PACRG: variants seen among roughly 807,000 people sequenced by gnomAD.
The protein encoded by PACRG is parkin coregulated gene protein.
In PACRG, 29 loss-of-function variants were observed where a neutral mutation model predicts 29.7. The observed-to-expected ratio is 0.98, with a 90% CI of 0.73 to 1.33. The LOEUF (loss-of-function observed/expected upper bound fraction) is 1.33. Among genes scored for constraint, PACRG ranks in the 40% most tolerant of loss-of-function variants. The probability of loss-of-function intolerance (pLI) is 0.00; values close to 1 mark genes in which losing one functional copy is unlikely to be tolerated. For synonymous variants in PACRG, 116 were observed against 118.7 expected, an observed-to-expected ratio of 0.98 and a Z score of 0.15; for missense variants, 279 against 316.2, an observed-to-expected ratio of 0.88 and a Z score of 0.89.
intron 4 of PACRG, among the ~76,000 whole-genome samples, chr6:163,181,518 A>C (rs892578447): frequency 6.8e-6 from 1 of 147,508 alleles, no homozygotes; most frequent in Non-Finnish European, 1.5e-5. Context: ...TCCCCCTTCC[A>C]AGGACAAGTC....
chr6:163,075,103 G>C (rs1180823532), intron 3 of PACRG, among the ~76,000 whole-genome samples: 1 of 152,146 alleles, frequency 6.6e-6, no homozygotes, highest in Non-Finnish European at 1.5e-5. Context: ...AAAATATCAT[G>C]ATAGGGTATT....
rs377414602 is a variant in PACRG at position 162,871,439 on chromosome 6, AC to A, written c.291+57159del. ...AAGAACATTGTTTAGCACTATACAA[AC>A]TATAGCAATAATTTAAGATCTGCCA... On this transcript the variant is annotated intron_variant, in intron 2 of 4. Coordinates refer to ENST00000366888, the MANE Select transcript of PACRG (RefSeq NM_001080379.2). Among the ~76,000 whole-genome samples the A allele has an allele frequency of 7.8e-3, 1,183 of 152,324 alleles. 15 individuals are homozygous for A. The highest frequency in any genetic ancestry group is 0.026 in the African/African-American group (1,099 of 41,566).
intron 4 of PACRG, among the ~76,000 whole-genome samples, chr6:163,137,556 A>AC (rs1816983158): frequency 6.6e-6 from 1 of 151,952 alleles, no homozygotes; most frequent in Admixed American, 6.6e-5. Flanking sequence ...TCCTTTCTCC[A>AC]TCCCCCCAAA....
Position 162,947,625 on chromosome 6 carries a change from T to TAATC in PACRG, c.292-114524_292-114523insATCA, listed in dbSNP as rs1554313415. Among the ~76,000 whole-genome samples the TAATC allele has an allele frequency of 3.0e-3, 161 of 53,384 alleles. 4 individuals carry two copies. The highest frequency in any genetic ancestry group is 0.016 in the Middle Eastern group (1 of 62). 35.0% of individuals were successfully genotyped at this position (53,384 alleles called of 152,430 possible). A position where few individuals can be genotyped will look rare whatever the true frequency, so the allele number is the denominator to read the frequency against. ...ATATATATAATCATATATATATATA[T>TAATC]ATATATATATATATATATATATACA... On this transcript the variant is annotated intron_variant, in intron 2 of 4. Transcript: ENST00000366888.
intron 2 of PACRG, among the ~76,000 whole-genome samples, chr6:162,888,943 A>C (rs1283163474): frequency 6.6e-6 from 1 of 152,226 alleles, no homozygotes; most frequent in Non-Finnish European, 1.5e-5. Flanking sequence ...ATTTCAGGGT[A>C]TCAGTCATGC....
At chr6:162,944,911 CT>C (rs1286443272) in intron 2 of PACRG, among the ~76,000 whole-genome samples, 1 of 151,906 alleles carries the variant, frequency 6.6e-6, no homozygotes, top group African/African-American at 2.4e-5. Flanking sequence ...GGATAGAAAA[CT>C]TATTTAGCCA....
intron 1 of PACRG, among the ~76,000 whole-genome samples, chr6:162,800,398 C>T (rs1264225954): frequency 1.3e-5 from 2 of 152,110 alleles, no homozygotes; most frequent in Non-Finnish European, 2.9e-5. Context: ...CCATTGCTTT[C>T]AGGACAATTG....
chr6:163,034,896 C>T (rs773833629), intron 2 of PACRG, among the ~76,000 whole-genome samples: 5 of 152,156 alleles, frequency 3.3e-5, no homozygotes, highest in Non-Finnish European at 5.9e-5. Context: ...AATAAAGAAT[C>T]GCTACTCCAT....
intron 2 of PACRG, among the ~76,000 whole-genome samples, chr6:162,989,432 A>G (rs1387993535): frequency 6.6e-6 from 1 of 152,218 alleles, no homozygotes; most frequent in Admixed American, 6.5e-5. Context: ...GCCAAAAACC[A>G]TGGATGCTCA....
rs371348048 is a variant in PACRG, at chr6:163,299,763, C to T, written c.614-15064C>T. On this transcript the variant is annotated intron_variant, in intron 4 of 4. Coordinates refer to ENST00000366888, the MANE Select transcript of PACRG (RefSeq NM_001080379.2). ...GCATGGGGGCGCGTGCCTGTAGTCCCAGCTACTCAGGAGGCTGAGCCAGGA... is the reference window on the plus strand; with the variant it reads ...GCATGGGGGCGCGTGCCTGTAGTCCTAGCTACTCAGGAGGCTGAGCCAGGA... 5.4e-4 allele frequency among the ~76,000 whole-genome samples: 82 copies of T among 152,264 alleles called. No homozygotes were observed. The South Asian group carries it at 0.016, about 30-fold the overall frequency.
At chr6:163,090,381 A>C (rs1813988987) in intron 4 of PACRG, 1 of 152,200 alleles carries the variant, frequency 6.6e-6, no homozygotes, top group African/African-American at 2.4e-5. Flanking sequence ...AATACTATAC[A>C]TATTTAGAAA....
At chr6:162,752,701 C>T (rs1334533108) in intron 1 of PACRG, among the ~76,000 whole-genome samples, 12 of 152,044 alleles carry the variant, frequency 7.9e-5, no homozygotes, top group African/African-American at 2.2e-4. Flanking sequence ...GTGTTGAGGA[C>T]GAGAATAATG....
chr6:163,045,621 CTTTTTT>C (rs11326242), intron 2 of PACRG, among the ~76,000 whole-genome samples: 1 of 105,882 alleles, frequency 9.4e-6, no homozygotes, highest in Non-Finnish European at 1.8e-5. Context: ...CTGCGCCCAG[CTTTTTT>C]TTTTTTTTTT....
intron 4 of PACRG, among the ~76,000 whole-genome samples, chr6:163,234,874 G>A (rs575365210): frequency 6.6e-6 from 1 of 152,254 alleles, no homozygotes; most frequent in African/African-American, 2.4e-5. Flanking sequence ...ATAAATGAGA[G>A]TTGAGGAAGA....
chr6:163,089,015 G>A (rs61010992), intron 3 of PACRG, among the ~76,000 whole-genome samples: 7 of 152,156 alleles, frequency 4.6e-5, no homozygotes, highest in Admixed American at 1.3e-4. Context: ...GGGAAAATGA[G>A]CTGCATTCCT....
At chr6:162,970,776 C>A (rs772669619) in intron 2 of PACRG, among the ~76,000 whole-genome samples, 1 of 152,158 alleles carries the variant, frequency 6.6e-6, no homozygotes, top group African/African-American at 2.4e-5. Flanking sequence ...AAATACTTCT[C>A]ATCACAATTC....
chr6:163,005,868 G>A (rs1479068689), intron 2 of PACRG, among the ~76,000 whole-genome samples: 1 of 146,240 alleles, frequency 6.8e-6, no homozygotes, highest in Non-Finnish European at 1.5e-5. Flanking sequence ...ATACAACATA[G>A]TTATACGTGT....
intron 2 of PACRG, among the ~76,000 whole-genome samples, chr6:162,862,650 A>C (rs1791961627): frequency 6.6e-6 from 1 of 152,220 alleles, no homozygotes; most frequent in Admixed American, 6.5e-5. Flanking sequence ...ACTCCGTATA[A>C]CTGGAAAAGC....
chr6:162,819,647 C>T (rs1787666740), intron 2 of PACRG, among the ~76,000 whole-genome samples: 1 of 152,190 alleles, frequency 6.6e-6, no homozygotes, highest in African/African-American at 2.4e-5. Context: ...TAGAACAGTA[C>T]TGTCACAGGG....
Sources: gnomAD v4.1 joint callset for allele counts (sites outside exome capture counted in the v4.1 genomes callset) on GRCh38, gnomAD v4.1.1 for gene constraint, MANE v1.5 for transcripts, NCBI Gene and HGNC (gene_info 2026-07-23, HGNC 2026-07-21) for gene names.